MITF: variants seen among roughly 807,000 people sequenced by gnomAD.
MITF encodes microphthalmia-associated transcription factor.
In MITF, 17 loss-of-function variants were observed where a neutral mutation model predicts 60.5. That is an observed-to-expected ratio of 0.28 (90% CI 0.19 to 0.42). The LOEUF is 0.42. Among genes scored for constraint, MITF ranks in the 10% least tolerant of loss-of-function variants. MITF has a pLI of 1.00. For missense variants in MITF, 622 were observed against 683.5 expected (o/e 0.91, Z 1.00); for synonymous variants, 260 against 248.5 (o/e 1.05, Z -0.43).
chr3:69,821,689 C>A (rs148374197), intron 1 of MITF, among the ~76,000 whole-genome samples: 104 of 65,320 alleles, frequency 1.6e-3, no homozygotes, highest in Middle Eastern at 8.6e-3. Context: ...AAAAAAAAAA[C>A]TAAAAAAAAA....
At chr3:69,957,016 T>C (rs1346297234) in intron 8 of MITF, among the ~76,000 whole-genome samples, 1 of 152,178 alleles carries the variant, frequency 6.6e-6, no homozygotes, top group African/African-American at 2.4e-5. Flanking sequence ...TGCCTACTCT[T>C]TGTATGTTTT....
chr3:69,786,762 T>G (rs2062656321), intron 1 of MITF, among the ~76,000 whole-genome samples: 1 of 152,154 alleles, frequency 6.6e-6, no homozygotes, highest in Non-Finnish European at 1.5e-5. Context: ...AACAATTTCT[T>G]TAAAATTAGG....
intron 2 of MITF, among the ~76,000 whole-genome samples, chr3:69,922,262 G>T (rs545216502): frequency 6.6e-6 from 1 of 151,812 alleles, no homozygotes; most frequent in Non-Finnish European, 1.5e-5. Flanking sequence ...TCACTCTGTC[G>T]CCAGGCTGGA....
At chr3:69,937,468 A>T (rs1466060795) in intron 2 of MITF, among the ~76,000 whole-genome samples, 1 of 151,906 alleles carries the variant, frequency 6.6e-6, no homozygotes, top group Admixed American at 6.6e-5. Flanking sequence ...CCACTTCTAC[A>T]TTGTTGTTTG....
intron 1 of MITF, among the ~76,000 whole-genome samples, chr3:69,853,947 G>T: frequency 6.8e-6 from 1 of 147,254 alleles, no homozygotes; most frequent in Non-Finnish European, 1.5e-5. Context: ...TGCAACCTTC[G>T]CCTCCCATGT....
At chr3:69,955,809 G>A (rs536968562) in intron 7 of MITF, among the ~76,000 whole-genome samples, 148 of 151,934 alleles carry the variant, frequency 9.7e-4, no homozygotes, top group Non-Finnish European at 9.7e-4. Context: ...GCAAGACTCC[G>A]TCTCAATAAA....
intron 1 of MITF, among the ~76,000 whole-genome samples, chr3:69,840,005 G>A (rs1429092505): frequency 6.6e-6 from 1 of 152,096 alleles, no homozygotes; most frequent in Admixed American, 6.6e-5. Flanking sequence ...TTGGGTAAGG[G>A]TAGAAAAGTA....
At chr3:69,883,583 G>C (rs1559696107) in intron 2 of MITF, among the ~76,000 whole-genome samples, 1 of 152,194 alleles carries the variant, frequency 6.6e-6, no homozygotes, top group Non-Finnish European at 1.5e-5. Context: ...AGGTGGATTG[G>C]TGGGCTACAG....
At chr3:69,898,652 C>T (rs1183840416) in intron 2 of MITF, among the ~76,000 whole-genome samples, 4 of 152,088 alleles carry the variant, frequency 2.6e-5, no homozygotes, top group African/African-American at 4.8e-5. Context: ...TGTAAAAACA[C>T]AGGAACAAAG....
At chr3:69,763,013 T>C (rs1457114697) in intron 1 of MITF, among the ~76,000 whole-genome samples, 3 of 152,180 alleles carry the variant, frequency 2.0e-5, no homozygotes, top group African/African-American at 7.2e-5. Context: ...ACCTTTTCTT[T>C]TCTGGAGAGG....
At position 69,938,245 on chromosome 3, in the gene MITF, T is replaced by C. The variant is rs751541223; in HGVS notation, c.582+196T>C. On this transcript the variant is annotated intron_variant, in intron 3 of 9. Coordinates refer to ENST00000352241, the MANE Select transcript of MITF (RefSeq NM_001354604.2). ...GCTGGGTTATTGGGTGTAGAGCACA[T>C]GACGGGAGACCTGGCCCTCTCCAAG... is the stretch of plus-strand genomic sequence containing the variant. 56 of 1,161,476 alleles carry C rather than the reference T, an allele frequency of 4.8e-5. 1 individual carries two copies. The South Asian group carries it at 7.1e-4, about 15-fold the overall frequency. 71.9% of individuals were successfully genotyped at this position (1,161,476 alleles called of 1,614,324 possible). A position where few individuals can be genotyped will look rare whatever the true frequency, so the allele number is the denominator to read the frequency against.
At chr3:69,881,013 C>T (rs1162454849) in intron 2 of MITF, among the ~76,000 whole-genome samples, 3 of 151,984 alleles carry the variant, frequency 2.0e-5, no homozygotes, top group African/African-American at 7.2e-5. Context: ...AACATCATTT[C>T]CAGATTATCT....
At chr3:69,744,882 A>G (rs1348915061) in intron 1 of MITF, among the ~76,000 whole-genome samples, 1 of 152,222 alleles carries the variant, frequency 6.6e-6, no homozygotes, top group Non-Finnish European at 1.5e-5. Flanking sequence ...TAGTGTATCC[A>G]TAAAAATTCG....
chr3:69,955,346 A>G (rs1365696225), intron 7 of MITF, among the ~76,000 whole-genome samples: 1 of 152,222 alleles, frequency 6.6e-6, no homozygotes, highest in Admixed American at 6.5e-5. Flanking sequence ...TATTTTGGAT[A>G]TAATGGATTT....
At chr3:69,901,060 G>C (rs79595731) in intron 2 of MITF, among the ~76,000 whole-genome samples, 2,278 of 152,106 alleles carry the variant, frequency 0.015, 24 homozygotes, top group Middle Eastern at 0.048. Context: ...AGTGAATTGA[G>C]CAGTTTGGAG....
chr3:69,958,053 A>C (rs1052880295), intron 8 of MITF, among the ~76,000 whole-genome samples: 1 of 152,152 alleles, frequency 6.6e-6, no homozygotes, highest in Non-Finnish European at 1.5e-5. Flanking sequence ...TTATTACCAA[A>C]CAAAAAAAAA....
intron 1 of MITF, among the ~76,000 whole-genome samples, chr3:69,833,065 C>G (rs2063476934): frequency 6.6e-6 from 1 of 152,182 alleles, no homozygotes; most frequent in South Asian, 2.1e-4. Flanking sequence ...GATTGTTTTT[C>G]TATTTATGCC....
chr3:69,869,818 C>T (rs2064189277), intron 1 of MITF, among the ~76,000 whole-genome samples: 1 of 152,080 alleles, frequency 6.6e-6, no homozygotes, highest in East Asian at 1.9e-4. Flanking sequence ...GGAACTGCCT[C>T]CCCCTCAGGA....
intron 3 of MITF, 173 bp from the exon 4 acceptor site, chr3:69,938,925 G>A (rs2065905935): frequency 8.7e-6 from 13 of 1,493,084 alleles, no homozygotes; most frequent in South Asian, 2.8e-5. Context: ...TTGTCATCTA[G>A]CAAGATGATT....
Sources: allele counts gnomAD v4.1 joint callset (sites outside exome capture counted in the v4.1 genomes callset), GRCh38; gene constraint gnomAD v4.1.1; transcripts MANE v1.5; gene names NCBI Gene and HGNC (gene_info 2026-07-23, HGNC 2026-07-21).